The following ARHGAP42 variants were observed in gnomAD, a reference collection of about 807,000 sequenced individuals.
The protein encoded by ARHGAP42 is rho GTPase-activating protein 42.
ARHGAP42 carries 63 observed loss-of-function variants against 125.0 expected under a neutral mutation model. That is an observed-to-expected ratio of 0.50 (90% CI 0.41 to 0.62). ARHGAP42 has a LOEUF of 0.62. ARHGAP42 is among the 20% of genes least tolerant of loss of function. The probability of loss-of-function intolerance (pLI) is 0.00; values close to 1 mark genes in which losing one functional copy is unlikely to be tolerated. For missense variants in ARHGAP42, 766 were observed against 1,024.2 expected, an observed-to-expected ratio of 0.75 and a Z score of 3.44; for synonymous variants, 339 against 351.0, an observed-to-expected ratio of 0.97 and a Z score of 0.38.
In ARHGAP42 at chr11:100,728,714, GTATATATATATATATATATA is replaced by G. The variant is rs57293905; in HGVS notation, c.154+40906_154+40925del. 2.4e-4 allele frequency among the ~76,000 whole-genome samples: 17 copies of G among 70,404 alleles called. No individual in the cohort carries two copies. The East Asian group carries it at 4.9e-3, about 20-fold the overall frequency. 46.2% of individuals were successfully genotyped at this position (70,404 alleles called of 152,430 possible). On this transcript the variant is annotated intron_variant, in intron 1 of 23. Transcript: ENST00000298815. ...AGTGAAATTATATGAATGACTTTGC[GTATATATATATATATATATA>G]TATATATATATATATATATATATGC...
intron 3 of ARHGAP42, among the ~76,000 whole-genome samples, chr11:100,848,572 C>T (rs540671417): frequency 1.4e-3 from 216 of 151,714 alleles, no homozygotes; most frequent in African/African-American, 4.5e-3. Context: ...GGCACAATCT[C>T]GGCTCACTGC....
At chr11:100,739,323 T>C (rs1442945068) in intron 1 of ARHGAP42, among the ~76,000 whole-genome samples, 2 of 152,142 alleles carry the variant, frequency 1.3e-5, no homozygotes, top group Non-Finnish European at 2.9e-5. Flanking sequence ...ACTTGGTTCT[T>C]AAACAATCTT....
intron 3 of ARHGAP42, among the ~76,000 whole-genome samples, chr11:100,848,392 CTG>C (rs908068720): frequency 6.6e-6 from 1 of 152,080 alleles, no homozygotes; most frequent in African/African-American, 2.4e-5. Flanking sequence ...TGTTAGGATT[CTG>C]TGTTTGGGGA....
Position 100,870,555 on chromosome 11 carries a change from T to A in ARHGAP42, c.384+10930T>A, listed in dbSNP as rs370339266. ...AGGTTCTTTGTTCAGGGTCATTGGG[T>A]TTCCAGTAGTCCTTGAAATGGTTTA... On this transcript the variant is annotated intron_variant, in intron 4 of 23. Transcript: ENST00000298815. Among the ~76,000 whole-genome samples, 7 of 152,346 alleles carry A rather than the reference T, an allele frequency of 4.6e-5. No individual in the cohort carries two copies. The South Asian group carries it at 1.0e-3, about 23-fold the overall frequency.
intron 5 of ARHGAP42, among the ~76,000 whole-genome samples, chr11:100,914,003 C>T (rs148378306): frequency 0.016 from 2,463 of 152,216 alleles, 74 homozygotes; most frequent in African/African-American, 0.056. Flanking sequence ...GGTGCACTCT[C>T]AGCTCACTGC....
chr11:100,989,377 T>G lies in ARHGAP42; in HGVS notation c.*576T>G. The G allele has an allele frequency of 1.1e-5, 4 of 357,146 alleles. No individual in the cohort carries two copies. The highest frequency in any genetic ancestry group is 2.0e-5 in the Non-Finnish European group (4 of 201,014). The allele number at this position is 357,146 out of a possible 1,614,324, so 22.1% of individuals were successfully genotyped here. ...AGATGATAATATTCAAAAGCAATAA[T>G]GTATATGATATCTATAAAGGAAGCA... is the stretch of plus-strand genomic sequence containing the variant. On this transcript the variant is annotated 3_prime_UTR_variant, in exon 24 of 24. Coordinates refer to ENST00000298815, the MANE Select transcript of ARHGAP42 (RefSeq NM_152432.4).
chr11:100,793,000 C>G (rs1344744878), intron 2 of ARHGAP42, among the ~76,000 whole-genome samples: 1 of 152,078 alleles, frequency 6.6e-6, no homozygotes, highest in Non-Finnish European at 1.5e-5. Flanking sequence ...GTGACCTGCA[C>G]TCCTCAGCCT....
chr11:100,840,372 TC>T (rs1425860102), intron 3 of ARHGAP42, among the ~76,000 whole-genome samples: 4 of 152,162 alleles, frequency 2.6e-5, no homozygotes, highest in Non-Finnish European at 5.9e-5. Flanking sequence ...CAGCATTTCC[TC>T]TCAGAGGTGA....
At chr11:100,903,885 C>T (rs1229267490) in intron 4 of ARHGAP42, among the ~76,000 whole-genome samples, 1 of 151,412 alleles carries the variant, frequency 6.6e-6, no homozygotes, top group Non-Finnish European at 1.5e-5. Flanking sequence ...ATCCGATGTT[C>T]GAGGGCAGGA....
chr11:100,717,945 C>A (rs978264613), intron 1 of ARHGAP42, among the ~76,000 whole-genome samples: 1 of 147,256 alleles, frequency 6.8e-6, no homozygotes, highest in Non-Finnish European at 1.5e-5. Flanking sequence ...AAAAAGACAC[C>A]GTAGTGTATT....
At chr11:100,967,579 T>C (rs1858126889) in intron 17 of ARHGAP42, among the ~76,000 whole-genome samples, 2 of 152,206 alleles carry the variant, frequency 1.3e-5, no homozygotes, top group African/African-American at 4.8e-5. Flanking sequence ...TCAGTACAAA[T>C]GTGAAACTAA....
chr11:100,702,619 A>G (rs1039949728), intron 1 of ARHGAP42, among the ~76,000 whole-genome samples: 27 of 150,530 alleles, frequency 1.8e-4, no homozygotes, highest in Admixed American at 3.3e-4. Flanking sequence ...CTGTATTTCA[A>G]TTAGTCTTTC....
intron 4 of ARHGAP42, among the ~76,000 whole-genome samples, chr11:100,907,768 G>A (rs1349604344): frequency 6.6e-6 from 1 of 152,114 alleles, no homozygotes; most frequent in Non-Finnish European, 1.5e-5. Flanking sequence ...CCCACCATCA[G>A]AGGAAGAAGA....
In ARHGAP42 at chr11:100,774,706, C is replaced by T. The variant is rs75273802; in HGVS notation, c.250+4268C>T. ...GAAGAGGATAAAAAAAGGTTTTGGG[C>T]AAAGTAAGGAAGAGAAGGTGGTGTT... On this transcript the variant is annotated intron_variant, in intron 2 of 23. Transcript: ENST00000298815. Among the ~76,000 whole-genome samples the T allele has an allele frequency of 7.6e-3, 1,128 of 149,394 alleles. 12 individuals carry two copies. Among genetic ancestry groups the T allele is most frequent in the Non-Finnish European group, 0.013 (852 of 67,362 alleles).
intron 1 of ARHGAP42, among the ~76,000 whole-genome samples, chr11:100,722,762 C>G (rs1463016560): frequency 1.3e-5 from 2 of 152,150 alleles, no homozygotes; most frequent in Admixed American, 6.5e-5. Context: ...TTTATTCTCC[C>G]AACAGTTTCT....
At chr11:100,734,234 A>G (rs1313127069) in intron 1 of ARHGAP42, among the ~76,000 whole-genome samples, 2 of 151,304 alleles carry the variant, frequency 1.3e-5, no homozygotes, top group Admixed American at 1.3e-4. Context: ...CGCCTGGCCC[A>G]AAGCAAAGCT....
At chr11:100,851,169 A>G (rs762416930) in intron 3 of ARHGAP42, among the ~76,000 whole-genome samples, 1 of 152,090 alleles carries the variant, frequency 6.6e-6, no homozygotes, top group African/African-American at 2.4e-5. Context: ...GGTGTGAGCC[A>G]CTGCGCCTGG....
At chr11:100,829,211 G>GA (rs1175847447) in intron 3 of ARHGAP42, among the ~76,000 whole-genome samples, 3 of 151,810 alleles carry the variant, frequency 2.0e-5, no homozygotes, top group Non-Finnish European at 2.9e-5. Context: ...GTGGCTTGGG[G>GA]AAAAAAAGCA....
intron 1 of ARHGAP42, among the ~76,000 whole-genome samples, chr11:100,700,450 GAT>G (rs1247161562): frequency 2.6e-5 from 4 of 152,296 alleles, no homozygotes; most frequent in Admixed American, 1.3e-4. Flanking sequence ...AATGCTGTTT[GAT>G]AGCATTCACC....
Sources: allele counts gnomAD v4.1 joint callset (sites outside exome capture counted in the v4.1 genomes callset), GRCh38; gene constraint gnomAD v4.1.1; transcripts MANE v1.5; gene names NCBI Gene and HGNC (gene_info 2026-07-23, HGNC 2026-07-21).